GSTCD: variants seen among roughly 807,000 people sequenced by gnomAD.
GSTCD encodes glutathione S-transferase C-terminal domain-containing protein.
In GSTCD, 44 loss-of-function variants were observed where a neutral mutation model predicts 68.3. The observed-to-expected ratio is 0.64, with a 90% CI of 0.51 to 0.83. The LOEUF (loss-of-function observed/expected upper bound fraction) is 0.83, where lower values mean the gene tolerates loss of function less well. Ranked by LOEUF, GSTCD falls within the 40% of genes least tolerant of loss-of-function variation. The pLI, the probability that GSTCD is intolerant of heterozygous loss-of-function variation, is 0.00. For missense variants in GSTCD, 739 were observed against 735.9 expected (o/e 1.00, Z -0.05); for synonymous variants, 273 against 255.2 (o/e 1.07, Z -0.67).
intron 8 of GSTCD, among the ~76,000 whole-genome samples, chr4:105,833,968 G>A (rs921366495): frequency 1.3e-5 from 2 of 152,184 alleles, no homozygotes; most frequent in Admixed American, 6.5e-5. Flanking sequence ...ATATGATTCA[G>A]TTAGTTTTAA....
intron 5 of GSTCD, among the ~76,000 whole-genome samples, chr4:105,776,325 C>T (rs1335291066): frequency 6.6e-6 from 1 of 152,098 alleles, no homozygotes; most frequent in Non-Finnish European, 1.5e-5. Flanking sequence ...CTGGCTTCAA[C>T]CCCCATTCCA....
chr4:105,842,078 T>C lies in GSTCD; in HGVS notation c.1709T>C (p.Leu570Pro), dbSNP rs1194285892. The change falls in exon 11 of 12, where the codon CTG becomes CCG. Residue 570 changes from leucine (L) to proline (P), a missense_variant. Coordinates refer to ENST00000515279, the MANE Select transcript of GSTCD (RefSeq NM_001370181.1). ...TTTTTCTTTTAGGAACACATGATTC[T>C]GTGCAGATTTGCAGACCAGACAGCT... The part of the protein sequence containing the change: ...KTLSYKEHMI[L>P]CRFADQTAVQ... 1.2e-6 allele frequency: 2 copies of C among 1,613,880 alleles called. No homozygotes were observed. The highest frequency in any genetic ancestry group is 1.1e-5 in the South Asian group (1 of 91,076).
At chr4:105,727,322 G>A (rs1355343750) in intron 4 of GSTCD, among the ~76,000 whole-genome samples, 2 of 151,742 alleles carry the variant, frequency 1.3e-5, no homozygotes, top group Admixed American at 6.6e-5. Flanking sequence ...TCAGGAGTTC[G>A]AGACCAGTCT....
chr4:105,743,861 C>T (rs941117527), intron 5 of GSTCD, among the ~76,000 whole-genome samples: 2 of 151,844 alleles, frequency 1.3e-5, no homozygotes, highest in African/African-American at 4.8e-5. Context: ...GGGGTTTCAC[C>T]GTGCTAGCCA....
chr4:105,757,640 A>AAG (rs1401899009), intron 5 of GSTCD, among the ~76,000 whole-genome samples: 1 of 152,138 alleles, frequency 6.6e-6, no homozygotes, highest in Non-Finnish European at 1.5e-5. Context: ...GGTTCTTGCT[A>AAG]AGATATTTTA....
chr4:105,767,408 A>G (rs889353523), intron 5 of GSTCD, among the ~76,000 whole-genome samples: 1 of 152,170 alleles, frequency 6.6e-6, no homozygotes, highest in Non-Finnish European at 1.5e-5. Context: ...AATTTTACTG[A>G]CTTTTATCTA....
chr4:105,811,799 T>C (rs1722764835), intron 5 of GSTCD, among the ~76,000 whole-genome samples: 1 of 152,106 alleles, frequency 6.6e-6, no homozygotes, highest in Non-Finnish European at 1.5e-5. Context: ...CATGAAAAGG[T>C]GAGACTTTAG....
intron 4 of GSTCD, 26 bp downstream of exon 4, chr4:105,726,856 G>A: frequency 6.4e-7 from 1 of 1,555,414 alleles, no homozygotes; most frequent in South Asian, 1.2e-5. Flanking sequence ...CATTTTCTTT[G>A]AAAAATTCTA....
Position 105,724,329 on chromosome 4 carries a change from T to C in GSTCD, c.895-2250T>C, listed in dbSNP as rs753286459. Among the ~76,000 whole-genome samples the C allele has an allele frequency of 3.6e-4, 54 of 151,758 alleles. 1 individual carries two copies. The highest frequency in any genetic ancestry group is 7.8e-4 in the Non-Finnish European group (53 of 67,744). On this transcript the variant is annotated intron_variant, in intron 3 of 11. Transcript: ENST00000515279. ...CTGACCAAGAGAAAACAAAAATATA[T>C]GAGTTTGTATCAGGAAGAACAATTT... is the stretch of plus-strand genomic sequence containing the variant.
chr4:105,767,363 G>C (rs1469505443), intron 5 of GSTCD, among the ~76,000 whole-genome samples: 1 of 152,014 alleles, frequency 6.6e-6, no homozygotes, highest in Non-Finnish European at 1.5e-5. Context: ...AATATGTAAG[G>C]AGTAAACTTA....
intron 5 of GSTCD, among the ~76,000 whole-genome samples, chr4:105,765,268 G>A (rs988560758): frequency 3.9e-5 from 6 of 152,132 alleles, no homozygotes; most frequent in African/African-American, 1.4e-4. Flanking sequence ...TGCTTGCTAG[G>A]TAAAACTCAT....
intron 3 of GSTCD, among the ~76,000 whole-genome samples, chr4:105,725,622 T>A (rs985653945): frequency 9.2e-5 from 14 of 152,122 alleles, no homozygotes; most frequent in African/African-American, 3.4e-4. Context: ...CATCTGTGTA[T>A]CTTTTTTGGT....
intron 5 of GSTCD, among the ~76,000 whole-genome samples, chr4:105,759,794 T>G (rs946035720): frequency 1.3e-5 from 2 of 152,198 alleles, no homozygotes; most frequent in African/African-American, 4.8e-5. Flanking sequence ...TTAGAATATC[T>G]GTAAATATCC....
Sources: allele counts gnomAD v4.1 joint callset (sites outside exome capture counted in the v4.1 genomes callset), GRCh38; gene constraint gnomAD v4.1.1; transcripts MANE v1.5; gene names NCBI Gene and HGNC (gene_info 2026-07-23, HGNC 2026-07-21).